STK3: variants seen among roughly 807,000 people sequenced by gnomAD.
The protein encoded by STK3 is serine/threonine kinase 3.
In STK3, 41 loss-of-function variants were observed where a neutral mutation model predicts 58.0. That is an observed-to-expected ratio of 0.71 (90% CI 0.55 to 0.92). The LOEUF (loss-of-function observed/expected upper bound fraction) is 0.92. Among genes scored for constraint, STK3 ranks in the 40% least tolerant of loss-of-function variants. STK3 has a pLI of 0.00. For synonymous variants in STK3, 170 were observed against 191.0 expected (o/e 0.89, Z 0.91); for missense variants, 479 against 602.7 (o/e 0.79, Z 2.15).
In STK3 at chr8:98,384,110, A is replaced by C. The variant is rs1817765965; in HGVS notation, n.56+4082T>G. On this transcript the variant is annotated intron_variant and non_coding_transcript_variant, in intron 1 of 2. Transcript: ENST00000518704. Reference sequence around the variant, plus strand: ...GCAGGTGCAGCCAGTTCTAGGCAAGATTAGGCACCATACAGGCCACATCCT... The same window carrying C: ...GCAGGTGCAGCCAGTTCTAGGCAAGCTTAGGCACCATACAGGCCACATCCT... Among the ~76,000 whole-genome samples the C allele has an allele frequency of 1.3e-5, 2 of 152,376 alleles. 1 individual carries two copies. Among genetic ancestry groups the C allele is most frequent in the South Asian group, 4.1e-4 (2 of 4,828 alleles).
At chr8:98,709,101 TA>T (rs898174343) in intron 4 of STK3, among the ~76,000 whole-genome samples, 2 of 152,160 alleles carry the variant, frequency 1.3e-5, no homozygotes, top group African/African-American at 4.8e-5. Context: ...GAATCAACCA[TA>T]AAAATTCTAA....
At chr8:98,905,346 A>T (rs1014350552) in intron 1 of STK3, 3 of 969,980 alleles carry the variant, frequency 3.1e-6, no homozygotes, top group Non-Finnish European at 5.1e-6. Flanking sequence ...ATCTTTCACG[A>T]TGTCACATTC....
At chr8:98,900,138 G>A (rs1838599665) in intron 1 of STK3, among the ~76,000 whole-genome samples, 1 of 152,194 alleles carries the variant, frequency 6.6e-6, no homozygotes, top group African/African-American at 2.4e-5. Context: ...GTGCAGTGGT[G>A]CGATCTTGGC....
At chr8:98,657,090 T>C (rs1316220171) in intron 6 of STK3, among the ~76,000 whole-genome samples, 1 of 151,978 alleles carries the variant, frequency 6.6e-6, no homozygotes, top group Non-Finnish European at 1.5e-5. Flanking sequence ...TAATTAAATA[T>C]AAAATGGTTA....
At chr8:98,862,155 C>T (rs1024749174) in intron 3 of STK3, among the ~76,000 whole-genome samples, 21 of 152,038 alleles carry the variant, frequency 1.4e-4, no homozygotes, top group Non-Finnish European at 1.0e-4. Flanking sequence ...GTACTACTTA[C>T]GAGGCATTGA....
intron 4 of STK3, among the ~76,000 whole-genome samples, chr8:98,741,735 T>C (rs1181428629): frequency 6.6e-6 from 1 of 151,808 alleles, no homozygotes; most frequent in African/African-American, 2.4e-5. Flanking sequence ...AGGCAAGAAA[T>C]AACTAAAATC....
At chr8:98,893,528 GAAAGAAAGAA>G (rs1158139723) in intron 1 of STK3, among the ~76,000 whole-genome samples, 4 of 132,810 alleles carry the variant, frequency 3.0e-5, no homozygotes, top group African/African-American at 8.4e-5. Flanking sequence ...AAGAAAGAAA[GAAAGAAAGAA>G]AAAGAAAGAG....
intron 6 of STK3, among the ~76,000 whole-genome samples, chr8:98,672,808 C>A (rs1322033626): frequency 6.6e-6 from 1 of 152,096 alleles, no homozygotes; most frequent in Non-Finnish European, 1.5e-5. Context: ...TGGAAAACTG[C>A]CAAATTCAGG....
At chr8:98,376,142 T>C (rs531662067) in intron 2 of STK3, among the ~76,000 whole-genome samples, 2 of 152,342 alleles carry the variant, frequency 1.3e-5, no homozygotes, top group South Asian at 4.1e-4. Context: ...TATCTTGTAG[T>C]GGTTTTAATT....
intron 1 of STK3, among the ~76,000 whole-genome samples, chr8:98,812,578 C>G (rs1834296201): frequency 6.6e-6 from 1 of 152,204 alleles, no homozygotes; most frequent in Non-Finnish European, 1.5e-5. Flanking sequence ...GCTATAAAGA[C>G]ATGCACACAT....
chr8:98,373,165 C>T (rs11994260), intron 2 of STK3, among the ~76,000 whole-genome samples: 94,057 of 151,924 alleles, frequency 0.62, 29,805 homozygotes, highest in Non-Finnish European at 0.67. Flanking sequence ...CCATAAATGG[C>T]AGTTATTATT....
At chr8:98,619,596 A>G (rs1818076936) in intron 6 of STK3, among the ~76,000 whole-genome samples, 1 of 108,364 alleles carries the variant, frequency 9.2e-6, no homozygotes, top group South Asian at 3.9e-4. Flanking sequence ...CAGAATCTAC[A>G]ATGAACTCAA....
intron 6 of STK3, among the ~76,000 whole-genome samples, chr8:98,698,620 T>A (rs1469738003): frequency 1.3e-5 from 2 of 152,370 alleles, no homozygotes; most frequent in South Asian, 2.1e-4. Flanking sequence ...CCTTCACTTA[T>A]GAAGCTTAGT....
intron 3 of STK3, among the ~76,000 whole-genome samples, chr8:98,414,823 T>G (rs1478803219): frequency 6.6e-6 from 1 of 152,184 alleles, no homozygotes; most frequent in East Asian, 1.9e-4. Context: ...TTTCTCCTTC[T>G]CCTGGCTTGA....
chr8:98,825,629 C>T lies in STK3; in HGVS notation c.-89G>A, dbSNP rs1587713139. Reference sequence around the variant, plus strand: ...GGGCACCGGCCGGCCGAGCCTAGGGCACCACAGAGGGAAACTCTGGGAACT... The same window carrying T: ...GGGCACCGGCCGGCCGAGCCTAGGGTACCACAGAGGGAAACTCTGGGAACT... On this transcript the variant is annotated 5_prime_UTR_variant, in exon 1 of 11. Transcript: ENST00000419617. The T allele has an allele frequency of 7.6e-7, 1 of 1,315,116 alleles. No individual in the cohort carries two copies. The highest frequency in any genetic ancestry group is 9.8e-7 in the Non-Finnish European group (1 of 1,024,034). 81.5% of individuals were successfully genotyped at this position (1,315,116 alleles called of 1,614,324 possible).
intron 1 of STK3, among the ~76,000 whole-genome samples, chr8:98,821,571 G>C (rs1834904252): frequency 6.6e-6 from 1 of 151,194 alleles, no homozygotes; most frequent in Admixed American, 6.6e-5. Flanking sequence ...TGAGGTGAGA[G>C]GATCACCTGA....
At chr8:98,908,358 A>C (rs975765602) in intron 1 of STK3, among the ~76,000 whole-genome samples, 6 of 152,242 alleles carry the variant, frequency 3.9e-5, no homozygotes, top group Non-Finnish European at 2.9e-5. Flanking sequence ...GTTTCCTAAC[A>C]TCCATCAAGA....
intron 1 of STK3, among the ~76,000 whole-genome samples, chr8:98,776,908 G>A (rs1168750321): frequency 1.3e-5 from 2 of 152,014 alleles, no homozygotes; most frequent in Non-Finnish European, 2.9e-5. Context: ...AAATAAGCCA[G>A]GCATGGTGGC....
intron 6 of STK3, among the ~76,000 whole-genome samples, chr8:98,648,729 T>C (rs1173083363): frequency 6.6e-6 from 1 of 151,922 alleles, no homozygotes; most frequent in African/African-American, 2.4e-5. Flanking sequence ...CCATCTCTAC[T>C]AAAAATACAA....
Sources: allele counts gnomAD v4.1 joint callset (sites outside exome capture counted in the v4.1 genomes callset), GRCh38; gene constraint gnomAD v4.1.1; transcripts MANE v1.5; gene names NCBI Gene and HGNC (gene_info 2026-07-23, HGNC 2026-07-21).